The following FAM204A variants were observed in gnomAD, a reference collection of about 807,000 sequenced individuals.
The protein encoded by FAM204A is family with sequence similarity 204 member A.
Under a neutral mutation model 35.4 loss-of-function variants are expected in FAM204A, and 16 were observed. The observed-to-expected ratio is 0.45, with a 90% CI of 0.31 to 0.69. FAM204A has a LOEUF of 0.69. Ranked by LOEUF, FAM204A falls within the 30% of genes least tolerant of loss-of-function variation. The probability of loss-of-function intolerance (pLI) is 0.07; values close to 1 mark genes in which losing one functional copy is unlikely to be tolerated. For synonymous variants in FAM204A, 76 were observed against 86.9 expected (o/e 0.88, Z 0.70); for missense variants, 240 against 265.7 (o/e 0.90, Z 0.67).
intron 7 of FAM204A, among the ~76,000 whole-genome samples, chr10:118,323,557 T>C (rs961707262): frequency 3.3e-5 from 5 of 152,104 alleles, no homozygotes; most frequent in South Asian, 4.1e-4. Flanking sequence ...TGCTGCCTTG[T>C]GTGCTTTTCA....
At chr10:118,342,059 G>A (rs1035673230) in intron 1 of FAM204A, 132 bp from the exon 2 acceptor site, 9 of 152,336 alleles carry the variant, frequency 5.9e-5, no homozygotes, top group African/African-American at 2.2e-4. Context: ...AGGCCGCTGC[G>A]ACGCCCCTTT....
In FAM204A at chr10:118,302,174, C is replaced by A. The variant is rs1448156120; in HGVS notation, c.*8683G>T. On this transcript the variant is annotated 3_prime_UTR_variant, in exon 9 of 9. Transcript: ENST00000369183. ...ATGAAGATCCAGCCGCTTTGTTCAG[C>A]GTGGCATCCTCAGTGCCTGCTGTAG... 6.6e-6 allele frequency: 1 copy of A among 152,218 alleles called. No individual in the cohort carries two copies. The highest frequency in any genetic ancestry group is 1.5e-5 in the Non-Finnish European group (1 of 68,054). The allele number at this position is 152,218 out of a possible 1,614,324, so 9.4% of individuals were successfully genotyped here. A position where few individuals can be genotyped will look rare whatever the true frequency, so the allele number is the denominator to read the frequency against.
Position 118,307,538 on chromosome 10 carries a change from T to G in FAM204A, c.*3319A>C, listed in dbSNP as rs1469606721. 1 of 152,186 alleles carries G rather than the reference T, an allele frequency of 6.6e-6. No individual in the cohort carries two copies. The highest frequency in any genetic ancestry group is 6.5e-5 in the Admixed American group (1 of 15,280). 9.4% of individuals were successfully genotyped at this position (152,186 alleles called of 1,614,324 possible). On this transcript the variant is annotated 3_prime_UTR_variant, in exon 9 of 9. Transcript: ENST00000369183. ...AGATCTGACATAACATCGGCTTGCC[T>G]CCTCAAACTTTATCATCTCTTAAAA...
intron 2 of FAM204A, among the ~76,000 whole-genome samples, chr10:118,336,813 C>T (rs1846396202): frequency 6.6e-6 from 1 of 152,014 alleles, no homozygotes; most frequent in Non-Finnish European, 1.5e-5. Context: ...GATTAAAATA[C>T]CATATTTGAA....
intron 2 of FAM204A, among the ~76,000 whole-genome samples, chr10:118,340,316 A>AAAAGTCTGC (rs1846456861): frequency 6.6e-6 from 1 of 152,228 alleles, no homozygotes; most frequent in Non-Finnish European, 1.5e-5. Flanking sequence ...TACAGGGGGA[A>AAAAGTCTGC]AAAGTCTTCA....
At position 118,310,553 on chromosome 10, in the gene FAM204A, G is replaced by C; in HGVS notation, c.*304C>G. The C allele has an allele frequency of 1.0e-5, 3 of 296,408 alleles. No homozygotes were observed. The highest frequency in any genetic ancestry group is 1.2e-5 in the Non-Finnish European group (2 of 163,096). 18.4% of individuals were successfully genotyped at this position (296,408 alleles called of 1,614,324 possible). A position where few individuals can be genotyped will look rare whatever the true frequency, so the allele number is the denominator to read the frequency against. ...CTGGCTGTGCTAAACCAAATGAATG[G>C]AAAGCGCCAAAAGTGATTTTATACC... On this transcript the variant is annotated 3_prime_UTR_variant, in exon 9 of 9. Coordinates refer to ENST00000369183, the MANE Select transcript of FAM204A (RefSeq NM_022063.3).
At chr10:118,324,216 A>T (rs1846163152) in intron 7 of FAM204A, among the ~76,000 whole-genome samples, 1 of 152,172 alleles carries the variant, frequency 6.6e-6, no homozygotes, top group African/African-American at 2.4e-5. Flanking sequence ...TCAAACTGCA[A>T]GCACAAGAAC....
intron 7 of FAM204A, among the ~76,000 whole-genome samples, chr10:118,316,247 G>T (rs1048477273): frequency 2.0e-5 from 3 of 152,114 alleles, no homozygotes; most frequent in Admixed American, 2.0e-4. Context: ...AGCTCACAAT[G>T]CCTTGCAGTG....
chr10:118,320,984 T>C (rs1003412539), intron 7 of FAM204A, among the ~76,000 whole-genome samples: 1 of 151,430 alleles, frequency 6.6e-6, no homozygotes, highest in Non-Finnish European at 1.5e-5. Flanking sequence ...TCAATACTGA[T>C]GCTGCCCCAT....
chr10:118,331,894 G>A (rs960371793), intron 6 of FAM204A, among the ~76,000 whole-genome samples: 1 of 147,906 alleles, frequency 6.8e-6, no homozygotes, highest in East Asian at 2.0e-4. Context: ...CAATTGAGTC[G>A]GCTGGGTGTG....
chr10:118,314,125 C>T (rs529363498), intron 7 of FAM204A, among the ~76,000 whole-genome samples: 2 of 152,302 alleles, frequency 1.3e-5, no homozygotes, highest in African/African-American at 4.8e-5. Context: ...TTCATTAGAA[C>T]GTATTAATAA....
chr10:118,314,934 G>A (rs1438530170), intron 7 of FAM204A, among the ~76,000 whole-genome samples: 1 of 151,954 alleles, frequency 6.6e-6, no homozygotes, highest in Non-Finnish European at 1.5e-5. Flanking sequence ...CCATATTTCA[G>A]GAACCAAGGG....
intron 6 of FAM204A, among the ~76,000 whole-genome samples, chr10:118,330,428 T>C (rs927256551): frequency 6.6e-6 from 1 of 152,142 alleles, no homozygotes; most frequent in African/African-American, 2.4e-5. Flanking sequence ...GGTAATAGCA[T>C]ATTACAGTGG....
chr10:118,341,514 G>A (rs184869382), intron 2 of FAM204A, among the ~76,000 whole-genome samples: 281 of 152,228 alleles, frequency 1.8e-3, no homozygotes, highest in Middle Eastern at 0.01. Context: ...GTACAGAAAG[G>A]ACAACTGAAT....
rs1375224377 is a variant in FAM204A at position 118,301,137 on chromosome 10, ACT to A, written c.*9718_*9719del. Reference sequence around the variant, plus strand: ...TTTAACCTCCTTGGCTCAACTGGGAACTCTTTGAAGGCTAGGGCCATCAATTA... The same window carrying A: ...TTTAACCTCCTTGGCTCAACTGGGAACTTTGAAGGCTAGGGCCATCAATTA... On this transcript the variant is annotated 3_prime_UTR_variant, in exon 9 of 9. Transcript: ENST00000369183. The A allele has an allele frequency of 6.6e-6, 1 of 152,152 alleles. No individual in the cohort carries two copies. Among genetic ancestry groups the A allele is most frequent in the Non-Finnish European group, 1.5e-5 (1 of 68,028 alleles). The allele number at this position is 152,152 out of a possible 1,614,324, so 9.4% of individuals were successfully genotyped here.
intron 2 of FAM204A, among the ~76,000 whole-genome samples, chr10:118,339,235 G>A (rs540405395): frequency 2.6e-4 from 39 of 152,314 alleles, no homozygotes; most frequent in African/African-American, 9.4e-4. Flanking sequence ...CCTGCAAAAT[G>A]GAGTTGCCCG....
At chr10:118,328,778 A>G (rs762322919) in intron 6 of FAM204A, among the ~76,000 whole-genome samples, 8 of 152,162 alleles carry the variant, frequency 5.3e-5, no homozygotes, top group Non-Finnish European at 1.0e-4. Context: ...GGCATGAGCC[A>G]CCACACCTGG....
chr10:118,313,926 A>C (rs2133266657), intron 7 of FAM204A, among the ~76,000 whole-genome samples: 1 of 152,334 alleles, frequency 6.6e-6, no homozygotes, highest in South Asian at 2.1e-4. Context: ...GCCAAAGAGC[A>C]GCTCCCTATG....
At chr10:118,315,877 A>G (rs1475789562) in intron 7 of FAM204A, among the ~76,000 whole-genome samples, 2 of 152,142 alleles carry the variant, frequency 1.3e-5, no homozygotes, top group Non-Finnish European at 2.9e-5. Context: ...AGCTTATTTC[A>G]TGGATCATTG....
Sources: allele counts gnomAD v4.1 joint callset (sites outside exome capture counted in the v4.1 genomes callset), GRCh38; gene constraint gnomAD v4.1.1; transcripts MANE v1.5; gene names NCBI Gene and HGNC (gene_info 2026-07-23, HGNC 2026-07-21).